The following ZNF462 variants were observed in gnomAD, a reference collection of about 807,000 sequenced individuals.
ZNF462 encodes the protein zinc finger protein 462.
Under a neutral mutation model 201.9 loss-of-function variants are expected in ZNF462, and 10 were observed. The ratio of observed to expected loss-of-function variants is 0.05; its 90% CI spans 0.03 to 0.08. The LOEUF (loss-of-function observed/expected upper bound fraction) is 0.08, where lower values mean the gene tolerates loss of function less well. Ranked by LOEUF, ZNF462 falls within the 10% of genes least tolerant of loss-of-function variation. The pLI is 1.00. For synonymous variants in ZNF462, 1,227 were observed against 1,193.3 expected (o/e 1.03, Z -0.58); for missense variants, 2,523 against 3,168.3 (o/e 0.80, Z 4.89).
At chr9:106,987,735 C>T (rs1827961447) in intron 10 of ZNF462, among the ~76,000 whole-genome samples, 1 of 152,126 alleles carries the variant, frequency 6.6e-6, no homozygotes, top group Admixed American at 6.5e-5. Flanking sequence ...GAAGTCCTTG[C>T]CTAAGCCAGT....
chr9:106,911,613 C>A (rs1829552805), intron 1 of ZNF462, among the ~76,000 whole-genome samples: 1 of 152,214 alleles, frequency 6.6e-6, no homozygotes, highest in African/African-American at 2.4e-5. Context: ...TTGAGAACCA[C>A]TGTCGTAAAG....
intron 1 of ZNF462, among the ~76,000 whole-genome samples, chr9:106,875,774 G>A (rs117364698): frequency 6.6e-6 from 1 of 152,278 alleles, no homozygotes; most frequent in Non-Finnish European, 1.5e-5. Flanking sequence ...ATTGTCATTT[G>A]GCAGGCTTCC....
intron 1 of ZNF462, among the ~76,000 whole-genome samples, chr9:106,884,919 A>G (rs1414963175): frequency 1.3e-5 from 2 of 152,218 alleles, no homozygotes; most frequent in Non-Finnish European, 2.9e-5. Context: ...GTCTAATAGT[A>G]TGCCTGATGT....
Position 106,974,336 on chromosome 9 carries a change from A to G in ZNF462, c.6832+63A>G. On this transcript the variant is annotated intron_variant, in intron 9 of 12. Transcript: ENST00000277225. This position sits in a 1 kb window ranked among gnomAD's most constrained non-coding sequence, Gnocchi z 4.0. ...GGGCAGGCAGCAGAGATGGCCTTCTAGGGATGCTCTCTCAGAGTGGCAGTA... is the reference window on the plus strand; with the variant it reads ...GGGCAGGCAGCAGAGATGGCCTTCTGGGGATGCTCTCTCAGAGTGGCAGTA... 1 of 1,611,028 alleles carries G rather than the reference A, an allele frequency of 6.2e-7. No individual in the cohort carries two copies. The highest frequency in any genetic ancestry group is 1.1e-5 in the South Asian group (1 of 90,990).
In ZNF462 at chr9:106,938,812, C is replaced by A; in HGVS notation, c.6236-104C>A. The A allele has an allele frequency of 8.2e-7, 1 of 1,220,396 alleles. No homozygotes were observed. The highest frequency in any genetic ancestry group is 1.1e-6 in the Non-Finnish European group (1 of 883,928). 75.6% of individuals were successfully genotyped at this position (1,220,396 alleles called of 1,614,324 possible). A position where few individuals can be genotyped will look rare whatever the true frequency, so the allele number is the denominator to read the frequency against. On this transcript the variant is annotated intron_variant, in intron 6 of 12. Transcript: ENST00000277225. The surrounding 1 kb of genome is among the most constrained non-coding windows in gnomAD (Gnocchi z 4.4). The stretch of plus-strand genomic sequence containing the variant: ...TTCATAGAACATGAAGCTTGAGATG[C>A]GCTTCTCTAGCATGAGTTAACTGAG...
At chr9:106,898,030 C>CT (rs1828885435) in intron 1 of ZNF462, among the ~76,000 whole-genome samples, 1 of 152,254 alleles carries the variant, frequency 6.6e-6, no homozygotes, top group Admixed American at 6.5e-5. Flanking sequence ...CTAAGTTGCA[C>CT]TTTTCCCCAC....
chr9:106,974,722 T>A lies in ZNF462; in HGVS notation c.6832+449T>A, dbSNP rs1167243086. The A allele has an allele frequency of 4.4e-6, 1 of 226,386 alleles. No individual in the cohort carries two copies. Among genetic ancestry groups the A allele is most frequent in the Non-Finnish European group, 8.9e-6 (1 of 112,464 alleles). 14.0% of individuals were successfully genotyped at this position (226,386 alleles called of 1,614,324 possible). On this transcript the variant is annotated intron_variant, in intron 9 of 12. Transcript: ENST00000277225. The surrounding 1 kb of genome is among the most constrained non-coding windows in gnomAD (Gnocchi z 4.0). ...AACATGGAACTTCCCTTGAAATGGT[T>A]GAAGGGAGAGAGAATTCTTTAAAAT... is the stretch of plus-strand genomic sequence containing the variant.
intron 1 of ZNF462, among the ~76,000 whole-genome samples, chr9:106,899,652 G>A (rs1230406984): frequency 6.6e-6 from 1 of 152,072 alleles, no homozygotes; most frequent in Non-Finnish European, 1.5e-5. Context: ...CTGAGGATAT[G>A]CAAAAAGAAT....
At chr9:106,973,122 G>A (rs1826719528) in intron 8 of ZNF462, among the ~76,000 whole-genome samples, 1 of 151,914 alleles carries the variant, frequency 6.6e-6, no homozygotes, top group Non-Finnish European at 1.5e-5. Context: ...ATAGTGCCTG[G>A]CACAAAGCAA....
chr9:106,876,586 T>C lies in ZNF462; in HGVS notation c.-31+13231T>C, dbSNP rs1827839182. On this transcript the variant is annotated intron_variant, in intron 1 of 12. Transcript: ENST00000277225. The surrounding 1 kb of genome is among the most constrained non-coding windows in gnomAD (Gnocchi z 4.9). ...AGCACTCTGTATTGCTGTGTGTGCA[T>C]TCAGTAGGAGCTTGTAAACTACCCG... Among the ~76,000 whole-genome samples the C allele has an allele frequency of 6.6e-6, 1 of 152,222 alleles. No homozygotes were observed. Among genetic ancestry groups the C allele is most frequent in the African/African-American group, 2.4e-5 (1 of 41,460 alleles).
Position 106,926,862 on chromosome 9 carries a change from G to A in ZNF462, c.2950G>A (p.Ala984Thr). The A allele has an allele frequency of 6.2e-7, 1 of 1,614,140 alleles. No individual in the cohort carries two copies. Among genetic ancestry groups the A allele is most frequent in the South Asian group, 1.1e-5 (1 of 91,064 alleles). The change falls in exon 3 of 13, where the codon GCT (alanine) becomes ACT (threonine). Residue 984 changes from alanine (A) to threonine (T), a missense_variant. Around this residue, in one of 15 missense-constraint regions of ZNF462, gnomAD observed 280 missense variants for 321.3 expected, o/e 0.87. Coordinates refer to ENST00000277225, the MANE Select transcript of ZNF462 (RefSeq NM_021224.6). The surrounding 1 kb of genome is among the most constrained non-coding windows in gnomAD (Gnocchi z 7.9). ...SQTLREILNSAPKNMATSTPV... is the reference protein window; with the variant it reads ...SQTLREILNSTPKNMATSTPV... ...GACCCTGAGGGAGATTCTGAATTCG[G>A]CTCCCAAGAACATGGCGACTTCCAC...
intron 10 of ZNF462, among the ~76,000 whole-genome samples, chr9:106,999,296 AGTAGT>A (rs1203539243): frequency 1.3e-5 from 2 of 152,206 alleles, no homozygotes; most frequent in African/African-American, 4.8e-5. Flanking sequence ...GGGCCCAAAA[AGTAGT>A]GTAATCAGTT....
In ZNF462 at chr9:106,935,104, C is replaced by G. The variant is rs1830578056; in HGVS notation, c.6117-399C>G. Among the ~76,000 whole-genome samples the G allele has an allele frequency of 6.6e-6, 1 of 152,210 alleles. No individual in the cohort carries two copies. Among genetic ancestry groups the G allele is most frequent in the African/African-American group, 2.4e-5 (1 of 41,462 alleles). On this transcript the variant is annotated intron_variant, in intron 5 of 12. Coordinates refer to ENST00000277225, the MANE Select transcript of ZNF462 (RefSeq NM_021224.6). The surrounding 1 kb of genome is among the most constrained non-coding windows in gnomAD (Gnocchi z 4.1). The stretch of plus-strand genomic sequence containing the variant: ...ATGCTAAATTTCTCTAATTCCCATT[C>G]TGTTATTTGAATAAGTTAGAGGACT...
Position 106,972,329 on chromosome 9 carries a change from T to G in ZNF462, c.6695+57T>G. 5 of 1,569,590 alleles carry G rather than the reference T, an allele frequency of 3.2e-6. No homozygotes were observed. The highest frequency in any genetic ancestry group is 1.4e-5 in the African/African-American group (1 of 73,822). Reference sequence around the variant, plus strand: ...AAGGCGGCCGCCCCTGCTCCACCCCTCACTGCAGGCTTCCCTTACACTTTC... The same window carrying G: ...AAGGCGGCCGCCCCTGCTCCACCCCGCACTGCAGGCTTCCCTTACACTTTC... On this transcript the variant is annotated intron_variant, in intron 8 of 12. Transcript: ENST00000277225. The surrounding 1 kb of genome is among the most constrained non-coding windows in gnomAD (Gnocchi z 4.8).
In ZNF462 at chr9:106,913,386, G is replaced by A. The variant is rs1443014142; in HGVS notation, c.-30-9968G>A. Among the ~76,000 whole-genome samples, 1 of 152,132 alleles carries A rather than the reference G, an allele frequency of 6.6e-6. No homozygotes were observed. Among genetic ancestry groups the A allele is most frequent in the East Asian group, 1.9e-4 (1 of 5,190 alleles). On this transcript the variant is annotated intron_variant, in intron 1 of 12. Transcript: ENST00000277225. This position sits in a 1 kb window ranked among gnomAD's most constrained non-coding sequence, Gnocchi z 4.1. ...CTCCTGGAAAGCAGGCCTGCATACA[G>A]TTAGTACTCATAGCACAAATCTCAT...
chr9:106,890,888 T>C lies in ZNF462; in HGVS notation c.-31+27533T>C, dbSNP rs1428213003. Among the ~76,000 whole-genome samples, 1 of 152,230 alleles carries C rather than the reference T, an allele frequency of 6.6e-6. No homozygotes were observed. Among genetic ancestry groups the C allele is most frequent in the Admixed American group, 6.5e-5 (1 of 15,284 alleles). ...ATGACCCAAGCAACTTTCTCACTTT[T>C]ATTCTTGAAGACTAAATGGCATCCT... On this transcript the variant is annotated intron_variant, in intron 1 of 12. Coordinates refer to ENST00000277225, the MANE Select transcript of ZNF462 (RefSeq NM_021224.6). This position sits in a 1 kb window ranked among gnomAD's most constrained non-coding sequence, Gnocchi z 4.2.
intron 10 of ZNF462, among the ~76,000 whole-genome samples, chr9:106,991,839 TACACACACACACACACAC>T (rs200978759): frequency 3.2e-4 from 43 of 136,260 alleles, no homozygotes; most frequent in Non-Finnish European, 4.2e-4. Flanking sequence ...CAGCACTCTC[TACACACACACACACACAC>T]ACACACACAC....
At chr9:106,941,395 G>A (rs80236774) in intron 7 of ZNF462, among the ~76,000 whole-genome samples, 3,403 of 152,302 alleles carry the variant, frequency 0.022, 138 homozygotes, top group African/African-American at 0.076. Flanking sequence ...AGGATGGACT[G>A]TGGGGAGGAG....
In ZNF462 at chr9:106,981,864, G is replaced by C. The variant is rs191970053; in HGVS notation, c.6833-2322G>C. Among the ~76,000 whole-genome samples, 1 of 152,192 alleles carries C rather than the reference G, an allele frequency of 6.6e-6. No homozygotes were observed. The highest frequency in any genetic ancestry group is 2.1e-4 in the South Asian group (1 of 4,828). On this transcript the variant is annotated intron_variant, in intron 9 of 12. Coordinates refer to ENST00000277225, the MANE Select transcript of ZNF462 (RefSeq NM_021224.6). This position sits in a 1 kb window ranked among gnomAD's most constrained non-coding sequence, Gnocchi z 4.0. Reference sequence around the variant, plus strand: ...ATCATTATATGAAAAATGATACCGGGCTGTTCTTCTTCACCGTAGAGGTCA... The same window carrying C: ...ATCATTATATGAAAAATGATACCGGCCTGTTCTTCTTCACCGTAGAGGTCA...
Sources: allele counts gnomAD v4.1 joint callset (sites outside exome capture counted in the v4.1 genomes callset), GRCh38; gene constraint gnomAD v4.1.1; regional missense constraint gnomAD v4.1.1; non-coding constraint Gnocchi (gnomAD v3.1); transcripts MANE v1.5; gene names NCBI Gene and HGNC (gene_info 2026-07-23, HGNC 2026-07-21).